The following TTC39C variants were observed in gnomAD, a reference collection of about 807,000 sequenced individuals.
The protein encoded by TTC39C is tetratricopeptide repeat protein 39C.
A neutral mutation model predicts 76.3 loss-of-function variants in TTC39C; 33 were observed. The ratio of observed to expected loss-of-function variants is 0.43; its 90% CI spans 0.33 to 0.58. TTC39C has a LOEUF of 0.58. Ranked by LOEUF, TTC39C falls within the 20% of genes least tolerant of loss-of-function variation. TTC39C has a pLI of 0.04. For synonymous variants in TTC39C, 254 were observed against 260.6 expected (o/e 0.97, Z 0.24); for missense variants, 595 against 701.4 (o/e 0.85, Z 1.71).
chr18:24,102,163 T>C (rs1320855967), intron 6 of TTC39C, among the ~76,000 whole-genome samples: 3 of 152,222 alleles, frequency 2.0e-5, no homozygotes, highest in Non-Finnish European at 4.4e-5. Context: ...GACAGAATCG[T>C]GTCTGAATTG....
chr18:24,088,404 T>C (rs894664382), intron 6 of TTC39C, among the ~76,000 whole-genome samples: 1 of 152,266 alleles, frequency 6.6e-6, no homozygotes, highest in Non-Finnish European at 1.5e-5. Flanking sequence ...TCACCTCATC[T>C]GCAGCTCTTG....
chr18:24,093,387 G>C (rs778537916), intron 6 of TTC39C, among the ~76,000 whole-genome samples: 12 of 151,694 alleles, frequency 7.9e-5, no homozygotes, highest in Non-Finnish European at 1.5e-4. Context: ...GCTGAGGCAG[G>C]AGAATGGCGT....
intron 1 of TTC39C, among the ~76,000 whole-genome samples, chr18:24,045,941 T>A (rs2083875280): frequency 1.1e-5 from 1 of 94,944 alleles, no homozygotes; most frequent in Non-Finnish European, 2.1e-5. Flanking sequence ...TTTTTTTTTT[T>A]TTTTTTTTTT....
At chr18:24,026,906 CTT>C (rs1460128017) in intron 1 of TTC39C, among the ~76,000 whole-genome samples, 1 of 152,168 alleles carries the variant, frequency 6.6e-6, no homozygotes, top group African/African-American at 2.4e-5. Flanking sequence ...AAATGAAACT[CTT>C]TGGTACTATT....
At chr18:24,081,955 G>C (rs141629845) in intron 5 of TTC39C, among the ~76,000 whole-genome samples, 184 of 150,928 alleles carry the variant, frequency 1.2e-3, no homozygotes, top group African/African-American at 4.3e-3. Flanking sequence ...AAGCACACCA[G>C]AAGTATGCAT....
intron 8 of TTC39C, among the ~76,000 whole-genome samples, chr18:24,119,027 T>C (rs59743188): frequency 0.019 from 2,911 of 152,292 alleles, 104 homozygotes; most frequent in African/African-American, 0.066. Context: ...TGCTCCAACC[T>C]TGTTTTACCT....
intron 1 of TTC39C, among the ~76,000 whole-genome samples, chr18:24,025,569 G>C (rs2083589162): frequency 6.6e-6 from 1 of 152,234 alleles, no homozygotes; most frequent in Non-Finnish European, 1.5e-5. Flanking sequence ...TCATCTGTGT[G>C]AACTTCCAGA....
intron 1 of TTC39C, among the ~76,000 whole-genome samples, chr18:24,017,091 C>T (rs2083462490): frequency 2.0e-5 from 3 of 152,154 alleles, no homozygotes; most frequent in Non-Finnish European, 4.4e-5. Context: ...ACCTTATTTT[C>T]CAGCAATGTT....
At position 24,015,037 on chromosome 18, in the gene TTC39C, A is replaced by G; in HGVS notation, c.166A>G (p.Arg56Gly). ...RESDQLFKQY[R>G]NHSPLMSFGA... is the part of the protein sequence containing the mutation. ...GTCGGACCAGCTTTTCAAACAATAC[A>G]GGTGACCCACGCGTCCCCGATTCCC... The change falls in exon 1 of 14, where the codon AGA becomes GGA. Residue 56 changes from arginine to glycine, a missense_variant and splice_region_variant. Transcript: ENST00000317571. 1 of 1,444,800 alleles carries G rather than the reference A, an allele frequency of 6.9e-7. No individual in the cohort carries two copies. The highest frequency in any genetic ancestry group is 9.1e-7 in the Non-Finnish European group (1 of 1,093,156). 89.5% of individuals were successfully genotyped at this position (1,444,800 alleles called of 1,614,324 possible).
intron 2 of TTC39C, among the ~76,000 whole-genome samples, chr18:24,065,233 G>A (rs961445848): frequency 1.3e-5 from 2 of 152,216 alleles, no homozygotes; most frequent in African/African-American, 4.8e-5. Context: ...TACTGAGGAA[G>A]CCTGAAAGGC....
chr18:24,064,764 G>GAA (rs978769744), intron 2 of TTC39C, among the ~76,000 whole-genome samples: 4 of 150,420 alleles, frequency 2.7e-5, no homozygotes, highest in African/African-American at 7.3e-5. Flanking sequence ...GTAACAGCAA[G>GAA]AAAAAAAAAG....
At chr18:24,002,321 C>A (rs1033312715) in intron 1 of TTC39C, among the ~76,000 whole-genome samples, 2 of 152,078 alleles carry the variant, frequency 1.3e-5, no homozygotes, top group Admixed American at 1.3e-4. Context: ...GCATGGAGAC[C>A]AATGCCAAGA....
intron 6 of TTC39C, among the ~76,000 whole-genome samples, chr18:24,085,764 C>G (rs72879863): frequency 2.0e-3 from 299 of 152,308 alleles, no homozygotes; most frequent in Non-Finnish European, 3.5e-3. Context: ...AAAAAACACA[C>G]AAGATCTGTG....
At chr18:24,130,109 A>G (rs2085105623) in intron 11 of TTC39C, among the ~76,000 whole-genome samples, 1 of 152,222 alleles carries the variant, frequency 6.6e-6, no homozygotes, top group African/African-American at 2.4e-5. Flanking sequence ...AGGCAGTCCA[A>G]TATATTCTGA....
chr18:24,085,879 T>TA (rs1393413151), intron 6 of TTC39C, among the ~76,000 whole-genome samples: 7 of 152,256 alleles, frequency 4.6e-5, no homozygotes, highest in Non-Finnish European at 4.4e-5. Context: ...ATTTTAAGGC[T>TA]AACTTGAAAT....
At chr18:24,037,341 A>G (rs1370391814) in intron 1 of TTC39C, among the ~76,000 whole-genome samples, 1 of 152,200 alleles carries the variant, frequency 6.6e-6, no homozygotes, top group East Asian at 1.9e-4. Flanking sequence ...CAGTTGGACT[A>G]TGCTCCTTGA....
chr18:24,080,905 A>G lies in TTC39C; in HGVS notation c.781A>G (p.Ser261Gly), dbSNP rs2084367976. 6.2e-7 allele frequency: 1 copy of G among 1,613,964 alleles called. No individual in the cohort carries two copies. The highest frequency in any genetic ancestry group is 8.5e-7 in the Non-Finnish European group (1 of 1,179,934). The change falls in exon 5 of 14, where the codon AGC becomes GGC. Residue 261 changes from serine to glycine, a missense_variant. By Grantham distance (56) the Ser-to-Gly change is moderately conservative. Transcript: ENST00000317571. ...GGGGCTTTCTTCACTGATGTATGCA[A>G]GCGAAAGTAAGGACATGAAGGCCCC... ...LQGLSSLMYA[S>G]ESKDMKAPLA... is the part of the protein sequence containing the mutation.
At chr18:24,128,273 G>A (rs978630655) in intron 10 of TTC39C, among the ~76,000 whole-genome samples, 2 of 151,954 alleles carry the variant, frequency 1.3e-5, no homozygotes, top group African/African-American at 2.4e-5. Flanking sequence ...GTTCTTTTTC[G>A]TATGAGCGTA....
chr18:24,089,408 G>A (rs375660111), intron 6 of TTC39C, among the ~76,000 whole-genome samples: 2 of 152,106 alleles, frequency 1.3e-5, no homozygotes, highest in African/African-American at 4.8e-5. Flanking sequence ...TGCATCCTAC[G>A]TGGTTCTGTT....
Sources: allele counts gnomAD v4.1 joint callset (sites outside exome capture counted in the v4.1 genomes callset), GRCh38; gene constraint gnomAD v4.1.1; transcripts MANE v1.5; gene names NCBI Gene and HGNC (gene_info 2026-07-23, HGNC 2026-07-21).